Variants in IGFBP7 observed in about 807,000 individuals in gnomAD.
IGFBP7 encodes the protein insulin like growth factor binding protein 7, also known as insulin-like growth factor-binding protein 7.
Under a neutral mutation model 29.4 loss-of-function variants are expected in IGFBP7, and 31 were observed. The observed-to-expected ratio is 1.05, with a 90% CI of 0.79 to 1.42. IGFBP7 has a LOEUF of 1.42. Among genes scored for constraint, IGFBP7 ranks in the 40% most tolerant of loss-of-function variants. The pLI, the probability that IGFBP7 is intolerant of heterozygous loss-of-function variation, is 0.00. For missense variants in IGFBP7, 393 were observed against 395.5 expected (o/e 0.99, Z 0.05); for synonymous variants, 172 against 174.9 (o/e 0.98, Z 0.13).
At chr4:57,089,564 C>A (rs1295504850) in intron 1 of IGFBP7, among the ~76,000 whole-genome samples, 1 of 152,346 alleles carries the variant, frequency 6.6e-6, no homozygotes, top group African/African-American at 2.4e-5. Context: ...TCAGTGAAGT[C>A]TGATGGGGTC....
chr4:57,109,219 A>G (rs1181410830), intron 1 of IGFBP7, among the ~76,000 whole-genome samples: 1 of 152,150 alleles, frequency 6.6e-6, no homozygotes. Flanking sequence ...CAGGAGTTCG[A>G]GACCAGCCTA....
intron 1 of IGFBP7, among the ~76,000 whole-genome samples, chr4:57,080,724 C>A (rs950708704): frequency 6.6e-6 from 1 of 152,156 alleles, no homozygotes; most frequent in African/African-American, 2.4e-5. Context: ...TTATTTAGAA[C>A]TGACCAGAGA....
intron 1 of IGFBP7, among the ~76,000 whole-genome samples, chr4:57,059,015 T>C (rs1042534064): frequency 6.6e-6 from 1 of 152,228 alleles, no homozygotes. Flanking sequence ...CACTGATCAT[T>C]AGAGAAATGC....
chr4:57,070,054 C>T (rs564153594), intron 1 of IGFBP7, among the ~76,000 whole-genome samples: 69 of 152,312 alleles, frequency 4.5e-4, no homozygotes, highest in African/African-American at 1.5e-3. Context: ...GCACTCCAGC[C>T]TGGGTGGCAA....
intron 1 of IGFBP7, among the ~76,000 whole-genome samples, chr4:57,042,135 C>T (rs959614596): frequency 1.3e-5 from 2 of 152,118 alleles, no homozygotes; most frequent in Admixed American, 1.3e-4. Context: ...AATTAGGGAA[C>T]ACACCCCCCA....
At chr4:57,075,237 C>T (rs543345126) in intron 1 of IGFBP7, among the ~76,000 whole-genome samples, 2 of 152,112 alleles carry the variant, frequency 1.3e-5, no homozygotes, top group South Asian at 2.1e-4. Flanking sequence ...TGTGAGGTTG[C>T]TTAACTAACC....
chr4:57,036,779 T>A (rs1277312), intron 2 of IGFBP7, among the ~76,000 whole-genome samples: 75,022 of 152,032 alleles, frequency 0.49, 18,963 homozygotes, highest in Admixed American at 0.58. Flanking sequence ...TTGCTAAGAA[T>A]CCTTGAGCAA....
At chr4:57,103,196 C>T (rs1034827704) in intron 1 of IGFBP7, among the ~76,000 whole-genome samples, 9 of 152,278 alleles carry the variant, frequency 5.9e-5, no homozygotes, top group African/African-American at 1.9e-4. Flanking sequence ...GTAACAGCTT[C>T]CTTATGGGAG....
rs1481679617 is a variant in IGFBP7 at position 57,033,216 on chromosome 4, A to C, written c.681T>G (p.His227Gln). Residue 227 changes from histidine to glutamine, a missense_variant, in exon 3 of 5, where the codon CAT becomes CAG. Physicochemically the swap from His to Gln is conservative, Grantham distance 24 (BLOSUM62 0). Transcript: ENST00000295666. ...AIQTRGGPEK[H>Q]EVTGWVLVSP... Reference sequence around the variant, plus strand: ...TCACCAGCACCCAGCCAGTTACTTCATGCTTTTCTGGGCCACCCCGGGTCT... The same window carrying C: ...TCACCAGCACCCAGCCAGTTACTTCCTGCTTTTCTGGGCCACCCCGGGTCT... 6.2e-7 allele frequency: 1 copy of C among 1,613,532 alleles called. No homozygotes were observed. Among genetic ancestry groups the C allele is most frequent in the Non-Finnish European group, 8.5e-7 (1 of 1,179,458 alleles).
At chr4:57,093,613 C>T (rs1019881785) in intron 1 of IGFBP7, among the ~76,000 whole-genome samples, 2 of 152,008 alleles carry the variant, frequency 1.3e-5, no homozygotes, top group Admixed American at 6.5e-5. Context: ...GTCATTGCAC[C>T]TATTAAATTT....
Position 57,109,794 on chromosome 4 carries a change from GAGGCCGCC to G in IGFBP7, c.475+75_475+82del, listed in dbSNP as rs1228278815. 3.5e-6 allele frequency: 5 copies of G among 1,438,292 alleles called. No homozygotes were observed. The Admixed American group carries it at 1.2e-4, about 35-fold the overall frequency. 89.1% of individuals were successfully genotyped at this position (1,438,292 alleles called of 1,614,324 possible). ...GGAATCGCAGTGAGCAGCGCGGGGC[GAGGCCGCC>G]GCGGACGCCCCGTCGGATGTGCCCT... On this transcript the variant is annotated intron_variant, in intron 1 of 4. Transcript: ENST00000295666.
chr4:57,077,339 G>A (rs574372843), intron 1 of IGFBP7, among the ~76,000 whole-genome samples: 2 of 152,284 alleles, frequency 1.3e-5, no homozygotes, highest in Admixed American at 6.5e-5. Flanking sequence ...ATGTAGTGAT[G>A]TGATCTCGGC....
At chr4:57,101,519 C>A (rs1216588947) in intron 1 of IGFBP7, among the ~76,000 whole-genome samples, 1 of 152,162 alleles carries the variant, frequency 6.6e-6, no homozygotes, top group Non-Finnish European at 1.5e-5. Flanking sequence ...CCAGCTGTTT[C>A]TAATTAACTT....
Position 57,040,838 on chromosome 4 carries a change from G to C in IGFBP7, c.571C>G (p.Leu191Val). 3 of 1,611,110 alleles carry C rather than the reference G, an allele frequency of 1.9e-6. No homozygotes were observed. The highest frequency in any genetic ancestry group is 2.5e-6 in the Non-Finnish European group (3 of 1,177,284). ...GTGCCACAGACCTTGTTCCAGATGAGGACAGGTGTCGGGATTCCGATGACC... is the reference window on the plus strand; with the variant it reads ...GTGCCACAGACCTTGTTCCAGATGACGACAGGTGTCGGGATTCCGATGACC... ...CEVIGIPTPV[L>V]IWNKVKRGHY... Residue 191 changes from leucine to valine, a missense_variant, in exon 2 of 5, where the codon CTC becomes GTC. By Grantham distance (32) the Leu-to-Val change is conservative (BLOSUM62 1). Coordinates refer to ENST00000295666, the MANE Select transcript of IGFBP7 (RefSeq NM_001553.3).
intron 1 of IGFBP7, among the ~76,000 whole-genome samples, chr4:57,108,485 A>C (rs1726089346): frequency 6.6e-6 from 1 of 151,968 alleles, no homozygotes; most frequent in Non-Finnish European, 1.5e-5. Context: ...TTAGAGTTAA[A>C]ATTTCTATGT....
chr4:57,060,111 A>G (rs1272476940), intron 1 of IGFBP7, among the ~76,000 whole-genome samples: 1 of 152,214 alleles, frequency 6.6e-6, no homozygotes, highest in Admixed American at 6.5e-5. Context: ...AGACAACTAT[A>G]CATGCAATTA....
At chr4:57,039,213 G>GAT (rs2109741556) in intron 2 of IGFBP7, among the ~76,000 whole-genome samples, 1 of 152,134 alleles carries the variant, frequency 6.6e-6, no homozygotes, top group South Asian at 2.1e-4. Context: ...AATTATACAA[G>GAT]ATAATGCCAC....
Position 57,100,858 on chromosome 4 carries a change from C to T in IGFBP7, c.475+9019G>A, listed in dbSNP as rs538046814. On this transcript the variant is annotated intron_variant, in intron 1 of 4. Transcript: ENST00000295666. ...TGTAGCAGAATATCTAAAGTAAGTA[C>T]CAGAATTGCTATTTACCACCTGTGT... Among the ~76,000 whole-genome samples, 13 of 152,276 alleles carry T rather than the reference C, an allele frequency of 8.5e-5. No homozygotes were observed. In the South Asian group the frequency reaches 2.7e-3, roughly 32 times the overall value.
intron 1 of IGFBP7, among the ~76,000 whole-genome samples, chr4:57,045,202 C>A (rs1724330336): frequency 1.3e-5 from 2 of 152,158 alleles, no homozygotes; most frequent in African/African-American, 4.8e-5. Flanking sequence ...ATCCTGCCAC[C>A]AGGCTATTTC....
Sources: gnomAD v4.1 joint callset for allele counts (sites outside exome capture counted in the v4.1 genomes callset) on GRCh38, gnomAD v4.1.1 for gene constraint, MANE v1.5 for transcripts, NCBI Gene and HGNC (gene_info 2026-07-23, HGNC 2026-07-21) for gene names.